The following PDZRN4 variants were observed in gnomAD, a reference collection of about 807,000 sequenced individuals.
PDZRN4 encodes PDZ domain containing ring finger 4.
PDZRN4 carries 70 observed loss-of-function variants against 99.0 expected under a neutral mutation model. The ratio of observed to expected loss-of-function variants is 0.71; its 90% CI spans 0.58 to 0.86. PDZRN4 has a LOEUF of 0.86. Among genes scored for constraint, PDZRN4 ranks in the 40% least tolerant of loss-of-function variants. PDZRN4 has a pLI of 0.00. For synonymous variants in PDZRN4, 551 were observed against 501.6 expected (o/e 1.10, Z -1.32); for missense variants, 1,474 against 1,331.2 (o/e 1.11, Z -1.67).
intron 5 of PDZRN4, among the ~76,000 whole-genome samples, chr12:41,540,621 A>G (rs1233599653): frequency 6.6e-6 from 1 of 152,218 alleles, no homozygotes; most frequent in African/African-American, 2.4e-5. Flanking sequence ...AGCATGATAA[A>G]TGGAATATCA....
intron 3 of PDZRN4, among the ~76,000 whole-genome samples, chr12:41,330,026 C>A (rs1473905556): frequency 6.6e-6 from 1 of 152,050 alleles, no homozygotes; most frequent in Non-Finnish European, 1.5e-5. Flanking sequence ...TGTGCTTTTT[C>A]ATGTTTCCTC....
intron 3 of PDZRN4, among the ~76,000 whole-genome samples, chr12:41,439,489 C>T (rs969459345): frequency 3.9e-5 from 6 of 152,010 alleles, no homozygotes; most frequent in Admixed American, 1.3e-4. Context: ...ATATGGAGAG[C>T]GTGGTAGGTG....
chr12:41,372,076 A>G (rs1314766151), intron 3 of PDZRN4, among the ~76,000 whole-genome samples: 1 of 152,086 alleles, frequency 6.6e-6, no homozygotes, highest in Non-Finnish European at 1.5e-5. Flanking sequence ...ATAGTCTTTT[A>G]AAAAATTTTG....
chr12:41,272,568 A>G (rs1378284801), intron 3 of PDZRN4, among the ~76,000 whole-genome samples: 2 of 152,008 alleles, frequency 1.3e-5, no homozygotes, highest in African/African-American at 4.8e-5. Flanking sequence ...TACCTATACT[A>G]TCAGTTATTT....
chr12:41,433,804 T>C (rs189952574), intron 3 of PDZRN4, among the ~76,000 whole-genome samples: 94 of 152,356 alleles, frequency 6.2e-4, no homozygotes, highest in African/African-American at 2.0e-3. Context: ...ATGTACTACA[T>C]TGGCAGCCAG....
chr12:41,426,121 A>G (rs536033339), intron 3 of PDZRN4, among the ~76,000 whole-genome samples: 1 of 152,318 alleles, frequency 6.6e-6, no homozygotes, highest in East Asian at 1.9e-4. Flanking sequence ...GCTGAGGTGG[A>G]CCCTGAAATC....
chr12:41,244,402 A>G (rs558998671), intron 3 of PDZRN4, among the ~76,000 whole-genome samples: 3 of 152,120 alleles, frequency 2.0e-5, no homozygotes, highest in South Asian at 2.1e-4. Context: ...AAGTCAAATC[A>G]TGTTACTCCT....
At chr12:41,490,766 G>T (rs372013478) in intron 3 of PDZRN4, among the ~76,000 whole-genome samples, 167 of 151,926 alleles carry the variant, frequency 1.1e-3, no homozygotes, top group African/African-American at 3.9e-3. Context: ...ATCTCACTTT[G>T]TCACCCAGGC....
intron 9 of PDZRN4, 138 bp from the exon 10 acceptor site, chr12:41,572,226 G>A: frequency 1.5e-6 from 1 of 665,100 alleles, no homozygotes; most frequent in Non-Finnish European, 2.5e-6. Context: ...TTCTAAAATT[G>A]TGATGGACCC....
At chr12:41,359,324 A>T (rs1000101886) in intron 3 of PDZRN4, among the ~76,000 whole-genome samples, 1 of 152,050 alleles carries the variant, frequency 6.6e-6, no homozygotes, top group Non-Finnish European at 1.5e-5. Flanking sequence ...AAATTATTAC[A>T]TTAATATATC....
chr12:41,254,390 G>A lies in PDZRN4; in HGVS notation c.843+60202G>A, dbSNP rs1951190590. 2.0e-5 allele frequency among the ~76,000 whole-genome samples: 3 copies of A among 152,120 alleles called. No individual in the cohort carries two copies. In the South Asian group the frequency reaches 6.2e-4, roughly 32 times the overall value. ...ACTCAAAGTCACATGGCTAATAGGTGGCAGGGCTAGGATTTGAATGAGACT... is the reference window on the plus strand; with the variant it reads ...ACTCAAAGTCACATGGCTAATAGGTAGCAGGGCTAGGATTTGAATGAGACT... On this transcript the variant is annotated intron_variant, in intron 3 of 9. Coordinates refer to ENST00000402685, the MANE Select transcript of PDZRN4 (RefSeq NM_001164595.2).
chr12:41,402,801 G>T lies in PDZRN4; in HGVS notation c.844-103655G>T, dbSNP rs1226426785. On this transcript the variant is annotated intron_variant, in intron 3 of 9. Transcript: ENST00000402685. The stretch of plus-strand genomic sequence containing the variant: ...TTTTGTATAAGAAAACAATCCAAAA[G>T]AAACAAATAAAAAACTAAGCTATTT... 2.0e-5 allele frequency among the ~76,000 whole-genome samples: 3 copies of T among 150,864 alleles called. No homozygotes were observed. In the East Asian group the frequency reaches 5.9e-4, roughly 29 times the overall value.
intron 3 of PDZRN4, among the ~76,000 whole-genome samples, chr12:41,460,871 C>T (rs927617148): frequency 2.6e-5 from 4 of 152,148 alleles, no homozygotes; most frequent in African/African-American, 9.7e-5. Flanking sequence ...GAGTAGAACA[C>T]TTTCATGTTG....
intron 3 of PDZRN4, among the ~76,000 whole-genome samples, chr12:41,373,797 G>A (rs1282139142): frequency 1.3e-5 from 2 of 152,144 alleles, no homozygotes; most frequent in Non-Finnish European, 2.9e-5. Flanking sequence ...TTGGGGAAGT[G>A]ATAAGTGTCC....
chr12:41,536,464 G>A (rs1938749928), intron 5 of PDZRN4, among the ~76,000 whole-genome samples: 1 of 152,080 alleles, frequency 6.6e-6, no homozygotes, highest in African/African-American at 2.4e-5. Context: ...GGGTTTTCAG[G>A]GCAGTGAAAC....
In PDZRN4 at chr12:41,378,304, G is replaced by A. The variant is rs1265739606; in HGVS notation, c.844-128152G>A. Among the ~76,000 whole-genome samples, 5 of 152,078 alleles carry A rather than the reference G, an allele frequency of 3.3e-5. No individual in the cohort carries two copies. In the South Asian group the frequency reaches 6.2e-4, roughly 19 times the overall value. On this transcript the variant is annotated intron_variant, in intron 3 of 9. Coordinates refer to ENST00000402685, the MANE Select transcript of PDZRN4 (RefSeq NM_001164595.2). ...TTTATTGACTTGTTTATGCTGAACC[G>A]TCCTTACATTCCAGGGATAAATCAA...
chr12:41,562,606 A>T (rs1001414815), intron 7 of PDZRN4, among the ~76,000 whole-genome samples: 2 of 152,134 alleles, frequency 1.3e-5, no homozygotes, highest in African/African-American at 4.8e-5. Flanking sequence ...GAGTTGAGTA[A>T]TCAATAAAAG....
chr12:41,269,082 T>G (rs546443329), intron 3 of PDZRN4, among the ~76,000 whole-genome samples: 1 of 152,216 alleles, frequency 6.6e-6, no homozygotes, highest in East Asian at 1.9e-4. Flanking sequence ...TAAAAGGAAA[T>G]GGAATAAAAT....
chr12:41,477,928 T>C (rs1937619330), intron 3 of PDZRN4: 8 of 1,506,528 alleles, frequency 5.3e-6, no homozygotes, highest in Non-Finnish European at 7.2e-6. Flanking sequence ...ACTGTAAGTA[T>C]GGCATTAAAT....
Sources: gnomAD v4.1 joint callset for allele counts (sites outside exome capture counted in the v4.1 genomes callset) on GRCh38, gnomAD v4.1.1 for gene constraint, MANE v1.5 for transcripts, NCBI Gene and HGNC (gene_info 2026-07-23, HGNC 2026-07-21) for gene names.